The following SYT14 variants were observed in gnomAD, a reference collection of about 807,000 sequenced individuals.
SYT14 encodes the protein synaptotagmin-14.
In SYT14, 32 loss-of-function variants were observed where a neutral mutation model predicts 74.2. The observed-to-expected ratio is 0.43, with a 90% CI of 0.33 to 0.58. The LOEUF (loss-of-function observed/expected upper bound fraction) is 0.58. Ranked by LOEUF, SYT14 falls within the 20% of genes least tolerant of loss-of-function variation. SYT14 has a pLI of 0.05. For missense variants in SYT14, 791 were observed against 981.8 expected (o/e 0.81, Z 2.60); for synonymous variants, 298 against 337.7 (o/e 0.88, Z 1.29).
exon 10 of SYT14, chr1:210,164,937 G>A (rs927802696): frequency 3.3e-5 from 5 of 152,120 alleles, no homozygotes; most frequent in Admixed American, 6.5e-5. Context: ...ATGCTGCAAA[G>A]CATTTTCTAA....
chr1:210,051,359 G>A (rs2080992362), intron 5 of SYT14, among the ~76,000 whole-genome samples: 1 of 152,100 alleles, frequency 6.6e-6, no homozygotes, highest in Admixed American at 6.6e-5. Flanking sequence ...GTGGTTATCT[G>A]TTTGCTATGA....
chr1:210,072,085 CTA>C (rs1338354623), intron 5 of SYT14, among the ~76,000 whole-genome samples: 1 of 150,400 alleles, frequency 6.6e-6, no homozygotes, highest in African/African-American at 2.4e-5. Context: ...AATTTGATGT[CTA>C]TTCAGATTTT....
intron 2 of SYT14, among the ~76,000 whole-genome samples, chr1:209,983,348 A>G (rs2079520870): frequency 6.6e-6 from 1 of 151,842 alleles, no homozygotes; most frequent in African/African-American, 2.4e-5. Flanking sequence ...ATGTGTTGGT[A>G]TGTTTGATGG....
intron 5 of SYT14, among the ~76,000 whole-genome samples, chr1:210,063,395 T>A (rs1175514883): frequency 6.6e-6 from 1 of 151,884 alleles, no homozygotes; most frequent in Non-Finnish European, 1.5e-5. Context: ...TATCTATTTC[T>A]GAACTTTATT....
chr1:209,973,450 G>C (rs941402393), intron 2 of SYT14, among the ~76,000 whole-genome samples: 23 of 152,092 alleles, frequency 1.5e-4, no homozygotes, highest in African/African-American at 5.6e-4. Flanking sequence ...CTATGAGTGA[G>C]AATATGTGAT....
At chr1:209,990,548 T>TGTATATATATATAC (rs2079651600) in intron 2 of SYT14, among the ~76,000 whole-genome samples, 61 of 68,034 alleles carry the variant, frequency 9.0e-4, no homozygotes, top group South Asian at 1.8e-3. Flanking sequence ...CGTATATATA[T>TGTATATATATATAC]GTATATATAT....
intron 7 of SYT14, 138 bp from the exon 7 acceptor site, chr1:210,155,583 A>G (rs769696179): frequency 1.1e-5 from 10 of 877,034 alleles, no homozygotes; most frequent in Non-Finnish European, 1.8e-5. Context: ...TAAGGACAAT[A>G]ATTCTAATCT....
chr1:210,018,047 G>C (rs2080222637), intron 4 of SYT14, among the ~76,000 whole-genome samples: 1 of 152,224 alleles, frequency 6.6e-6, no homozygotes, highest in Non-Finnish European at 1.5e-5. Flanking sequence ...AGTGATATAG[G>C]AGAGGCTAAT....
chr1:209,954,562 GCT>G (rs2078961906), intron 2 of SYT14, among the ~76,000 whole-genome samples: 1 of 152,116 alleles, frequency 6.6e-6, no homozygotes, highest in African/African-American at 2.4e-5. Flanking sequence ...TGGAATTAAT[GCT>G]CTGAGCTAAA....
chr1:210,146,611 G>A (rs940883847), intron 7 of SYT14, among the ~76,000 whole-genome samples: 4 of 151,666 alleles, frequency 2.6e-5, no homozygotes, highest in Admixed American at 2.6e-4. Context: ...GAGAAAGAAG[G>A]TTTTTGAAAT....
In SYT14 at chr1:210,000,466, GCACA is replaced by G. The variant is rs375046637; in HGVS notation, c.-485-13136_-485-13133del. On this transcript the variant is annotated intron_variant, in intron 2 of 9. Transcript: ENST00000637265. ...TTATTTTAGTCCTTTGTCCTCATACGCACACACACACACACACACACACACACAC... is the reference window on the plus strand; with the variant it reads ...TTATTTTAGTCCTTTGTCCTCATACGCACACACACACACACACACACACAC... 2.2e-3 allele frequency among the ~76,000 whole-genome samples: 322 copies of G among 143,188 alleles called. 1 individual carries two copies. The highest frequency in any genetic ancestry group is 6.6e-3 in the African/African-American group (250 of 37,858). 93.9% of individuals were successfully genotyped at this position (143,188 alleles called of 152,430 possible).
intron 2 of SYT14, among the ~76,000 whole-genome samples, chr1:209,984,169 G>A (rs180984754): frequency 7.9e-5 from 12 of 152,256 alleles, no homozygotes; most frequent in Admixed American, 5.2e-4. Flanking sequence ...ATGCACAACC[G>A]CCAATTTTTG....
At chr1:210,062,354 A>G (rs945490799) in intron 5 of SYT14, among the ~76,000 whole-genome samples, 2 of 151,920 alleles carry the variant, frequency 1.3e-5, no homozygotes, top group Non-Finnish European at 2.9e-5. Context: ...CTTGTTTTGT[A>G]TTCTACAAAT....
At chr1:210,002,789 T>C (rs1336015291) in intron 2 of SYT14, among the ~76,000 whole-genome samples, 1 of 152,172 alleles carries the variant, frequency 6.6e-6, no homozygotes, top group Non-Finnish European at 1.5e-5. Flanking sequence ...TACTGTGCTG[T>C]CTTTAAAAAA....
chr1:209,956,371 C>A (rs963275227), intron 2 of SYT14, among the ~76,000 whole-genome samples: 19 of 152,122 alleles, frequency 1.2e-4, no homozygotes, highest in African/African-American at 4.3e-4. Flanking sequence ...AACACTCCTT[C>A]AGCAGTGATT....
rs376385326 is a variant in SYT14 at position 210,037,255 on chromosome 1, T to C, written c.1312+16001T>C. On this transcript the variant is annotated intron_variant, in intron 5 of 9. Transcript: ENST00000637265. ...GTAGTCTCTGACAATCCTTTGCATT[T>C]CTGTGGTATCACTTATAATGTCTCC... 5.3e-5 allele frequency among the ~76,000 whole-genome samples: 8 copies of C among 152,040 alleles called. No homozygotes were observed. The East Asian group carries it at 1.5e-3, about 29-fold the overall frequency.
At chr1:210,145,440 T>G (rs999679241) in intron 7 of SYT14, among the ~76,000 whole-genome samples, 4 of 152,198 alleles carry the variant, frequency 2.6e-5, no homozygotes, top group African/African-American at 9.7e-5. Flanking sequence ...TTCATGTCTT[T>G]CATGATTTAT....
intron 5 of SYT14, among the ~76,000 whole-genome samples, chr1:210,035,052 A>G (rs139973127): frequency 1.4e-3 from 216 of 151,966 alleles, no homozygotes; most frequent in African/African-American, 4.4e-3. Flanking sequence ...AAATCTACAT[A>G]CTGTTTTCCT....
intron 2 of SYT14, among the ~76,000 whole-genome samples, chr1:210,000,911 C>T (rs1465440076): frequency 2.6e-5 from 4 of 152,152 alleles, no homozygotes; most frequent in East Asian, 3.9e-4. Flanking sequence ...CTTGTTTCTG[C>T]GTGCCTCATA....
Sources: gnomAD v4.1 joint callset for allele counts (sites outside exome capture counted in the v4.1 genomes callset) on GRCh38, gnomAD v4.1.1 for gene constraint, MANE v1.5 for transcripts, NCBI Gene and HGNC (gene_info 2026-07-23, HGNC 2026-07-21) for gene names.